THAP5: variants seen among roughly 807,000 people sequenced by gnomAD.
THAP5 encodes THAP domain-containing protein 5.
Under a neutral mutation model 34.0 loss-of-function variants are expected in THAP5, and 26 were observed. That is an observed-to-expected ratio of 0.77 (90% CI 0.56 to 1.06). THAP5 has a LOEUF of 1.06. THAP5 is among the 50% of genes least tolerant of loss of function. THAP5 has a pLI of 0.00. For missense variants in THAP5, 394 were observed against 452.8 expected (o/e 0.87, Z 1.18); for synonymous variants, 125 against 153.0 (o/e 0.82, Z 1.35).
the THAP5 span, among the ~76,000 whole-genome samples, chr7:108,546,953 T>C: frequency 6.6e-6 from 1 of 152,174 alleles, no homozygotes; most frequent in African/African-American, 2.4e-5. Context: ...AGGAACATTG[T>C]TTTCCCTTTG....
At chr7:108,568,768 AAATACTTTCC>A (rs2154518183) in intron 1 of THAP5, among the ~76,000 whole-genome samples, 1 of 152,312 alleles carries the variant, frequency 6.6e-6, no homozygotes, top group East Asian at 1.9e-4. Flanking sequence ...ACCAAAGCTT[AAATACTTTCC>A]AAGAGGTCAT....
downstream of THAP5, among the ~76,000 whole-genome samples, chr7:108,551,822 A>T (rs7807566): frequency 0.035 from 5,345 of 152,308 alleles, 123 homozygotes; most frequent in Middle Eastern, 0.058. Context: ...CAGGCCAGGA[A>T]AAGTTTCTAA....
At chr7:108,558,685 C>T (rs1378278853), downstream of THAP5, among the ~76,000 whole-genome samples, 3 of 151,776 alleles carry the variant, frequency 2.0e-5, no homozygotes, top group Non-Finnish European at 2.9e-5. Flanking sequence ...CTTGAGCCAC[C>T]GTGCCTGACC....
downstream of THAP5, among the ~76,000 whole-genome samples, chr7:108,561,508 A>G (rs1163132740): frequency 6.6e-6 from 1 of 151,432 alleles, no homozygotes; most frequent in African/African-American, 2.4e-5. Flanking sequence ...AGTTCAAGCA[A>G]TCTGTCTACC....
chr7:108,552,503 T>A (rs1229308434), downstream of THAP5, among the ~76,000 whole-genome samples: 1 of 152,172 alleles, frequency 6.6e-6, no homozygotes, highest in Non-Finnish European at 1.5e-5. Context: ...TTTTACCTTT[T>A]AAAAGTATCT....
At chr7:108,552,908 T>A (rs979515010), downstream of THAP5, among the ~76,000 whole-genome samples, 2 of 152,230 alleles carry the variant, frequency 1.3e-5, no homozygotes, top group Admixed American at 1.3e-4. Context: ...TTACATAAAC[T>A]CTTCATACAT....
chr7:108,547,828 G>T, the THAP5 span, among the ~76,000 whole-genome samples: 59 of 152,254 alleles, frequency 3.9e-4, no homozygotes, highest in Middle Eastern at 3.4e-3. Context: ...GATAAAATAC[G>T]TAAAGAGCTT....
At chr7:108,546,764 A>G in the THAP5 span, among the ~76,000 whole-genome samples, 1 of 152,134 alleles carries the variant, frequency 6.6e-6, no homozygotes, top group African/African-American at 2.4e-5. Flanking sequence ...TCTATTTTTT[A>G]TTAAAAAGCT....
At chr7:108,567,457 T>C (rs78560451) in intron 1 of THAP5, among the ~76,000 whole-genome samples, 289 of 152,320 alleles carry the variant, frequency 1.9e-3, no homozygotes, top group African/African-American at 6.6e-3. Flanking sequence ...ATTGTACCTA[T>C]ATGCTAAGTT....
At chr7:108,561,575 G>A (rs929038072), downstream of THAP5, among the ~76,000 whole-genome samples, 1 of 151,988 alleles carries the variant, frequency 6.6e-6, no homozygotes, top group Non-Finnish European at 1.5e-5. Flanking sequence ...GGCAGGATGA[G>A]CTAATGATTG....
chr7:108,569,246 C>T, intron 1 of THAP5: 1 of 1,385,008 alleles, frequency 7.2e-7, no homozygotes, highest in Non-Finnish European at 9.3e-7. Flanking sequence ...GCAAACTTTA[C>T]TGTTTTAACT....
chr7:108,566,050 A>G, intron 1 of THAP5, 28 bp from the exon 2 acceptor site: 1 of 1,490,310 alleles, frequency 6.7e-7, no homozygotes, highest in Non-Finnish European at 8.9e-7. Flanking sequence ...AAGAAGAAAA[A>G]AGGAAAAACT....
the THAP5 span, among the ~76,000 whole-genome samples, chr7:108,546,611 C>A: frequency 2.0e-4 from 30 of 152,192 alleles, no homozygotes; most frequent in Admixed American, 2.0e-3. Context: ...AGTTTGGAAG[C>A]AAGTTTTCCC....
intron 1 of THAP5, among the ~76,000 whole-genome samples, chr7:108,556,823 ACTCCACATTTTCACTG>A (rs1864389863): frequency 1.3e-5 from 2 of 152,104 alleles, no homozygotes; most frequent in Non-Finnish European, 2.9e-5. Flanking sequence ...GGGGGCTCCA[ACTCCACATTTTCACTG>A]TGTGCTGCCT....
At chr7:108,547,494 C>G in the THAP5 span, among the ~76,000 whole-genome samples, 4 of 152,184 alleles carry the variant, frequency 2.6e-5, no homozygotes, top group Non-Finnish European at 4.4e-5. Flanking sequence ...ATTTCTGTAA[C>G]CAAAAGCAAG....
At chr7:108,558,791 T>C (rs939522135), downstream of THAP5, among the ~76,000 whole-genome samples, 11 of 152,208 alleles carry the variant, frequency 7.2e-5, no homozygotes, top group African/African-American at 2.4e-4. Flanking sequence ...TGATATAGCA[T>C]ATCTGTGTGG....
chr7:108,545,534 C>T, the THAP5 span, among the ~76,000 whole-genome samples: 1 of 152,122 alleles, frequency 6.6e-6, no homozygotes, highest in African/African-American at 2.4e-5. Flanking sequence ...AGAGCTTAAG[C>T]TTCATAGAAT....
the THAP5 span, among the ~76,000 whole-genome samples, chr7:108,547,783 C>T: frequency 2.6e-5 from 4 of 152,068 alleles, no homozygotes; most frequent in Non-Finnish European, 5.9e-5. Context: ...CTAGAATAAT[C>T]GATTTTCCAT....
chr7:108,548,689 C>A, the THAP5 span, among the ~76,000 whole-genome samples: 6 of 152,112 alleles, frequency 3.9e-5, no homozygotes, highest in Admixed American at 3.9e-4. Flanking sequence ...AGGCAGCAGG[C>A]AAGAGAGCTT....
Sources: allele counts gnomAD v4.1 joint callset (sites outside exome capture counted in the v4.1 genomes callset), GRCh38; gene constraint gnomAD v4.1.1; transcripts MANE v1.5; gene names NCBI Gene and HGNC (gene_info 2026-07-23, HGNC 2026-07-21).